CLUAP1: variants seen among roughly 807,000 people sequenced by gnomAD.
CLUAP1 encodes the protein clusterin-associated protein 1.
Under a neutral mutation model 55.0 loss-of-function variants are expected in CLUAP1, and 50 were observed. The observed-to-expected ratio is 0.91, with a 90% CI of 0.72 to 1.15. The LOEUF (loss-of-function observed/expected upper bound fraction) is 1.15. Among genes scored for constraint, CLUAP1 ranks in the 50% most tolerant of loss-of-function variants. The pLI, the probability that CLUAP1 is intolerant of heterozygous loss-of-function variation, is 0.00. For missense variants in CLUAP1, 530 were observed against 507.6 expected (o/e 1.04, Z -0.42); for synonymous variants, 195 against 175.4 (o/e 1.11, Z -0.88).
In CLUAP1 at chr16:3,512,408, A is replaced by C; in HGVS notation, c.425A>C (p.Gln142Pro). The C allele has an allele frequency of 6.2e-7, 1 of 1,614,062 alleles. No homozygotes were observed. The highest frequency in any genetic ancestry group is 8.5e-7 in the Non-Finnish European group (1 of 1,179,950). Residue 142 changes from glutamine to proline, a missense_variant, in exon 5 of 12, where the codon CAG (glutamine) becomes CCG (proline). Transcript: ENST00000576634. ...SKIADLKAAR[Q>P]LASEITSKGA... The stretch of plus-strand genomic sequence containing the variant: ...ATTGCAGATTTGAAGGCAGCCAGGC[A>C]GCTTGCGTCTGAAATCACCTCCAAA...
intron 11 of CLUAP1, chr16:3,533,725 C>T (rs1256173646): frequency 6.5e-6 from 1 of 154,652 alleles, no homozygotes; most frequent in Non-Finnish European, 1.4e-5. Flanking sequence ...CCCAGGCTGC[C>T]TCCATGTGCC....
chr16:3,509,396 A>G lies in CLUAP1; in HGVS notation c.399+928A>G, dbSNP rs908967083. 4.6e-5 allele frequency among the ~76,000 whole-genome samples: 7 copies of G among 152,316 alleles called. No homozygotes were observed. The South Asian group carries it at 1.2e-3, about 27-fold the overall frequency. On this transcript the variant is annotated intron_variant, in intron 4 of 11. Transcript: ENST00000576634. Reference sequence around the variant, plus strand: ...CTAAGGTGGGAATCGTTGGGATCCAAGCGGAACCTTCTGTGCTTATTTCCC... The same window carrying G: ...CTAAGGTGGGAATCGTTGGGATCCAGGCGGAACCTTCTGTGCTTATTTCCC...
At chr16:3,528,001 A>G (rs56661569) in intron 9 of CLUAP1, among the ~76,000 whole-genome samples, 2,964 of 152,252 alleles carry the variant, frequency 0.019, 98 homozygotes, top group African/African-American at 0.061. Context: ...GTGGTCCCCC[A>G]AGCCCGGCTG....
At chr16:3,508,613 TAA>T (rs2151045248) in intron 4 of CLUAP1, 145 bp downstream of exon 4, 2 of 655,332 alleles carry the variant, frequency 3.1e-6, no homozygotes, top group South Asian at 5.6e-5. Flanking sequence ...AGCATTTGGA[TAA>T]AGTCAAAGTC....
chr16:3,498,845 A>T (rs1216390007), upstream of CLUAP1, among the ~76,000 whole-genome samples: 1 of 152,102 alleles, frequency 6.6e-6, no homozygotes, highest in African/African-American at 2.4e-5. Flanking sequence ...TGGGTAACAG[A>T]GCGAGACTCC....
rs2038227056 is a variant in CLUAP1, at chr16:3,536,149, A to T, written c.1120A>T (p.Met374Leu). 1.2e-6 allele frequency: 2 copies of T among 1,614,028 alleles called. No individual in the cohort carries two copies. Among genetic ancestry groups the T allele is most frequent in the South Asian group, 2.2e-5 (2 of 91,086 alleles). Reference protein sequence around the residue: ...NEDSEESEIDMEDDDDEDDDL... With the variant: ...NEDSEESEIDLEDDDDEDDDL... Reference sequence around the variant, plus strand: ...GGACTCGGAGGAGAGTGAAATTGACATGGAAGATGATGATGACGAGGATGA... The same window carrying T: ...GGACTCGGAGGAGAGTGAAATTGACTTGGAAGATGATGATGACGAGGATGA... Residue 374 changes from methionine (M) to leucine (L), a missense_variant, in exon 12 of 12, where the codon ATG becomes TTG. Met to Leu is a conservative substitution (Grantham distance 15, BLOSUM62 2). Coordinates refer to ENST00000576634, the MANE Select transcript of CLUAP1 (RefSeq NM_015041.3).
chr16:3,517,161 G>C (rs1456678746), intron 6 of CLUAP1, among the ~76,000 whole-genome samples: 2 of 139,298 alleles, frequency 1.4e-5, no homozygotes, highest in Non-Finnish European at 3.1e-5. Context: ...GTCTTGCTCT[G>C]TTGCCCAGGC....
chr16:3,517,686 C>G (rs1431329457), intron 6 of CLUAP1, among the ~76,000 whole-genome samples: 2 of 152,176 alleles, frequency 1.3e-5, no homozygotes, highest in Non-Finnish European at 2.9e-5. Flanking sequence ...CCCCCTTAAT[C>G]AAGAGATCAA....
Position 3,523,253 on chromosome 16 carries a change from A to T in CLUAP1, c.809A>T (p.Glu270Val). ...AAATTTCAAAATCTGACTTATCTGG[A>T]ACAACAGCTTGAAGACCATCATAGG... ...LEKFQNLTYL[E>V]QQLEDHHRME... The change falls in exon 8 of 12, where the codon GAA becomes GTA. Residue 270 changes from glutamate to valine, a missense_variant. Transcript: ENST00000576634. 1 of 1,613,932 alleles carries T rather than the reference A, an allele frequency of 6.2e-7. No individual in the cohort carries two copies. The highest frequency in any genetic ancestry group is 1.6e-4 in the Middle Eastern group (1 of 6,062).
chr16:3,529,911 GTTATATATTA>G (rs1445654817), intron 9 of CLUAP1, among the ~76,000 whole-genome samples: 1 of 104,152 alleles, frequency 9.6e-6, no homozygotes, highest in East Asian at 2.5e-4. Context: ...ATGTTATATA[GTTATATATTA>G]TTATATATAA....
chr16:3,533,308 C>T, intron 11 of CLUAP1: 1 of 650,852 alleles, frequency 1.5e-6, no homozygotes. Context: ...TCACTGAAGG[C>T]CCCTGTGCTA....
At chr16:3,530,773 G>A in intron 10 of CLUAP1, 98 bp downstream of exon 10, 1 of 855,822 alleles carries the variant, frequency 1.2e-6, no homozygotes, top group South Asian at 1.5e-5. Context: ...AGGCCCACAA[G>A]CGTGCTGCGA....
At chr16:3,528,478 T>C (rs1042329900) in intron 9 of CLUAP1, among the ~76,000 whole-genome samples, 2 of 152,214 alleles carry the variant, frequency 1.3e-5, no homozygotes, top group Non-Finnish European at 2.9e-5. Context: ...GAAGGGCCTG[T>C]CTAGCCAAAG....
At chr16:3,525,305 A>G (rs938020274) in intron 8 of CLUAP1, among the ~76,000 whole-genome samples, 4 of 152,150 alleles carry the variant, frequency 2.6e-5, no homozygotes, top group African/African-American at 4.8e-5. Context: ...GGTTCAGAGA[A>G]CAAACCAAAC....
chr16:3,496,518 G>C (rs986975428), upstream of CLUAP1: 2 of 580,680 alleles, frequency 3.4e-6, no homozygotes, highest in Non-Finnish European at 6.6e-6. Flanking sequence ...TGCGCTGCCC[G>C]TGACCAGCCG....
chr16:3,517,224 A>G (rs1028478045), intron 6 of CLUAP1, among the ~76,000 whole-genome samples: 4 of 151,382 alleles, frequency 2.6e-5, no homozygotes, highest in African/African-American at 9.7e-5. Flanking sequence ...TCCCAGGTTC[A>G]AGTGATTCTC....
upstream of CLUAP1, among the ~76,000 whole-genome samples, chr16:3,500,150 G>A (rs981483345): frequency 6.6e-6 from 1 of 152,150 alleles, no homozygotes; most frequent in Admixed American, 6.5e-5. Context: ...GCGCCCCCAT[G>A]CAGAGGCTAG....
intron 4 of CLUAP1, among the ~76,000 whole-genome samples, chr16:3,510,802 G>A (rs2037609805): frequency 1.3e-5 from 2 of 152,236 alleles, no homozygotes; most frequent in African/African-American, 4.8e-5. Flanking sequence ...GAAGGATGAA[G>A]TTGCCATGTA....
At chr16:3,497,207 T>C (rs553971030), upstream of CLUAP1, among the ~76,000 whole-genome samples, 1 of 151,408 alleles carries the variant, frequency 6.6e-6, no homozygotes, top group South Asian at 2.1e-4. Context: ...AAATAATTCA[T>C]ACTTGAAAAA....
Sources: allele counts gnomAD v4.1 joint callset (sites outside exome capture counted in the v4.1 genomes callset), GRCh38; gene constraint gnomAD v4.1.1; transcripts MANE v1.5; gene names NCBI Gene and HGNC (gene_info 2026-07-23, HGNC 2026-07-21).